MCF2L: variants seen among roughly 807,000 people sequenced by gnomAD.
MCF2L encodes the protein MCF.2 cell line derived transforming sequence like.
MCF2L carries 97 observed loss-of-function variants against 153.4 expected under a neutral mutation model. The observed-to-expected ratio is 0.63, with a 90% CI of 0.54 to 0.75. The LOEUF is 0.75. MCF2L is among the 30% of genes least tolerant of loss of function. The probability of loss-of-function intolerance (pLI) is 0.00; values close to 1 mark genes in which losing one functional copy is unlikely to be tolerated. For missense variants in MCF2L, 1,347 were observed against 1,495.2 expected, an observed-to-expected ratio of 0.90 and a Z score of 1.64; for synonymous variants, 659 against 632.2, an observed-to-expected ratio of 1.04 and a Z score of -0.64.
chr13:112,926,935 CAT>C (rs573959298), intron 2 of MCF2L, among the ~76,000 whole-genome samples: 169 of 152,332 alleles, frequency 1.1e-3, no homozygotes, highest in Middle Eastern at 0.01. Flanking sequence ...TGAGTTAAGA[CAT>C]GTGCTAATTA....
Position 113,081,253 on chromosome 13 carries a change from G to C in MCF2L, c.1849G>C (p.Val617Leu). The C allele has an allele frequency of 6.3e-7, 1 of 1,592,506 alleles. No homozygotes were observed. Among genetic ancestry groups the C allele is most frequent in the Non-Finnish European group, 8.5e-7 (1 of 1,170,646 alleles). The change falls in exon 16 of 30, where the codon GTG becomes CTG. Residue 617 changes from valine (V) to leucine (L), a missense_variant. Physicochemically the swap from Val to Leu is conservative, Grantham distance 32. Coordinates refer to ENST00000535094, the MANE Select transcript of MCF2L (RefSeq NM_001112732.3). ...GCTCCTGGACACAGAACGGGCCTAC[G>C]TGGAGGAGCTGCTGTGCGTCCTGGA... ...SELLDTERAY[V>L]EELLCVLEGY...
intron 22 of MCF2L, 93 bp downstream of exon 22, chr13:113,087,549 C>A: frequency 1.7e-6 from 2 of 1,168,916 alleles, no homozygotes; most frequent in South Asian, 1.4e-5. Context: ...ACGCTGACAC[C>A]CAGCTCTCAG....
rs1189331815 is a variant in MCF2L, at chr13:112,993,462, C to T, written c.80-21301C>T. ...AGGAAATCAGGGAGCAGGTGGCAGT[C>T]GGGAGGGACTGCATGGAAACAAGTG... On this transcript the variant is annotated intron_variant, in intron 1 of 29. Transcript: ENST00000535094. The surrounding 1 kb of genome is among the most constrained non-coding windows in gnomAD (Gnocchi z 4.6). 6.6e-6 allele frequency among the ~76,000 whole-genome samples: 1 copy of T among 152,046 alleles called. No homozygotes were observed. Among genetic ancestry groups the T allele is most frequent in the African/African-American group, 2.4e-5 (1 of 41,466 alleles).
chr13:113,060,584 C>G lies in MCF2L; in HGVS notation c.370-9C>G, dbSNP rs2031226856. On this transcript the variant is annotated splice_polypyrimidine_tract_variant and intron_variant, in intron 4 of 29. Coordinates refer to ENST00000535094, the MANE Select transcript of MCF2L (RefSeq NM_001112732.3). ...GCTGCAGGCCCTTGTCTCTCGCCCT[C>G]TCTCACAGGCATCTTTCCCGGCAAA... 6.2e-7 allele frequency: 1 copy of G among 1,612,322 alleles called. No individual in the cohort carries two copies. The highest frequency in any genetic ancestry group is 1.1e-5 in the South Asian group (1 of 91,074).
intron 2 of MCF2L, among the ~76,000 whole-genome samples, chr13:113,021,659 C>G (rs972391029): frequency 6.6e-6 from 1 of 152,228 alleles, no homozygotes; most frequent in South Asian, 2.1e-4. Context: ...GGCCCCGGGT[C>G]CTGGCACTGC....
intron 18 of MCF2L, 100 bp downstream of exon 18, chr13:113,084,167 C>G (rs916984358): frequency 1.0e-6 from 1 of 993,000 alleles, no homozygotes; most frequent in Non-Finnish European, 1.6e-6. Context: ...CAACTGAAAT[C>G]ACAAAATACG....
At position 113,096,439 on chromosome 13, in the gene MCF2L, C is replaced by A. The variant is rs371497316; in HGVS notation, c.3144C>A (p.Ser1048Arg). ...KGGPDALRVR[S>R]GDVVELVQEG... ...GCCCCGATGCGCTGCGCGTGAGGAG[C>A]GGGGACGTGGTGGAGCTGGTGCAGG... Residue 1048 changes from serine to arginine, a missense_variant, in exon 28 of 30, where the codon AGC becomes AGA. Around this residue, in one of 3 missense-constraint regions of MCF2L, gnomAD observed 383 missense variants for 335.4 expected, o/e 1.14. Transcript: ENST00000535094. The A allele has an allele frequency of 3.0e-5, 48 of 1,594,480 alleles. No homozygotes were observed. In the African/African-American group the frequency reaches 5.5e-4, roughly 18 times the overall value.
chr13:113,048,451 T>C (rs995671957), intron 4 of MCF2L, among the ~76,000 whole-genome samples: 6 of 148,154 alleles, frequency 4.0e-5, no homozygotes, highest in African/African-American at 1.5e-4. Context: ...TTTTTTTTTT[T>C]TTTTTTTGAG....
Position 112,911,257 on chromosome 13 carries a change from G to A in MCF2L, c.169+8886G>A, listed in dbSNP as rs1164645965. The stretch of plus-strand genomic sequence containing the variant: ...GGTCTGGTCAGAGGTGATGGCCAGA[G>A]GGAGCCCGTTTGCAATGTCCCACGG... On this transcript the variant is annotated intron_variant, in intron 2 of 29. Coordinates refer to the MCF2L transcript ENST00000375608. Among the ~76,000 whole-genome samples the A allele has an allele frequency of 2.6e-5, 4 of 152,340 alleles. No individual in the cohort carries two copies. In the South Asian group the frequency reaches 6.2e-4, roughly 24 times the overall value.
In MCF2L at chr13:113,074,934, G is replaced by A; in HGVS notation, c.1117-64G>A. ...TGCCCCGGGACACACATCCCGTACA[G>A]CAAGGCACTGTGTGCCTCGAACAGA... On this transcript the variant is annotated intron_variant, in intron 10 of 29. Transcript: ENST00000535094. This position sits in a 1 kb window ranked among gnomAD's most constrained non-coding sequence, Gnocchi z 4.2. 1 of 1,405,182 alleles carries A rather than the reference G, an allele frequency of 7.1e-7. No individual in the cohort carries two copies. Among genetic ancestry groups the A allele is most frequent in the Non-Finnish European group, 9.8e-7 (1 of 1,022,810 alleles). The allele number at this position is 1,405,182 out of a possible 1,614,324, so 87.0% of individuals were successfully genotyped here.
chr13:113,034,836 G>T (rs1356986669), intron 3 of MCF2L, among the ~76,000 whole-genome samples: 1 of 152,182 alleles, frequency 6.6e-6, no homozygotes. Context: ...GGAGGTTAGG[G>T]GCTGCTGTGG....
In MCF2L at chr13:113,027,024, G is replaced by A. The variant is rs1251246320; in HGVS notation, c.278+2266G>A. On this transcript the variant is annotated intron_variant, in intron 3 of 29. Transcript: ENST00000535094. The surrounding 1 kb of genome is among the most constrained non-coding windows in gnomAD (Gnocchi z 4.8). ...ACAGTGTAGTTGCTGCTTCCATTTGGGGTATAGTGAACACACACCAAGTAA... is the reference window on the plus strand; with the variant it reads ...ACAGTGTAGTTGCTGCTTCCATTTGAGGTATAGTGAACACACACCAAGTAA... 1.3e-6 allele frequency: 1 copy of A among 778,302 alleles called. No individual in the cohort carries two copies. The highest frequency in any genetic ancestry group is 1.3e-5 in the South Asian group (1 of 74,242). The allele number at this position is 778,302 out of a possible 1,614,324, so 48.2% of individuals were successfully genotyped here.
rs1361977609 is a variant in MCF2L, at chr13:113,035,075, T to C, written c.279-10196T>C. ...CGGGAGGAAGGGTTCCTGTCCACGTTCAGCACCCCCGTGCAGACCTCACCA... is the reference window on the plus strand; with the variant it reads ...CGGGAGGAAGGGTTCCTGTCCACGTCCAGCACCCCCGTGCAGACCTCACCA... On this transcript the variant is annotated intron_variant, in intron 3 of 29. Coordinates refer to ENST00000535094, the MANE Select transcript of MCF2L (RefSeq NM_001112732.3). The surrounding 1 kb of genome is among the most constrained non-coding windows in gnomAD (Gnocchi z 4.4). Among the ~76,000 whole-genome samples, 3 of 152,154 alleles carry C rather than the reference T, an allele frequency of 2.0e-5. No individual in the cohort carries two copies. The highest frequency in any genetic ancestry group is 4.4e-5 in the Non-Finnish European group (3 of 68,022).
At chr13:112,914,659 G>C (rs957070261) in intron 2 of MCF2L, among the ~76,000 whole-genome samples, 2 of 152,210 alleles carry the variant, frequency 1.3e-5, no homozygotes, top group African/African-American at 4.8e-5. Context: ...CCTGAGAATG[G>C]TGAGCTGCTC....
chr13:112,953,973 C>T (rs947847958), intron 2 of MCF2L, among the ~76,000 whole-genome samples: 1 of 152,234 alleles, frequency 6.6e-6, no homozygotes, highest in African/African-American at 2.4e-5. Context: ...GTGTGGCCAA[C>T]GGAACTGTCT....
In MCF2L at chr13:113,099,723, T is replaced by A. The variant is rs377039498; in HGVS notation, c.*2864T>A. The A allele has an allele frequency of 1.6e-4, 24 of 152,196 alleles. No individual in the cohort carries two copies. The highest frequency in any genetic ancestry group is 2.2e-4 in the Non-Finnish European group (15 of 68,004). The allele number at this position is 152,196 out of a possible 1,614,324, so 9.4% of individuals were successfully genotyped here. A position where few individuals can be genotyped will look rare whatever the true frequency, so the allele number is the denominator to read the frequency against. ...AAGAAACTCCATATCAAATAAAAAA[T>A]TTTAAATATGAGAGAACCATTATGA... is the stretch of plus-strand genomic sequence containing the variant. On this transcript the variant is annotated 3_prime_UTR_variant, in exon 30 of 30. Transcript: ENST00000535094.
chr13:112,909,216 C>A (rs2081204341), intron 2 of MCF2L: 1 of 779,700 alleles, frequency 1.3e-6, no homozygotes, highest in Non-Finnish European at 2.4e-6. Context: ...ACCAACCTCT[C>A]CCCAGATGTC....
chr13:112,960,283 G>A lies in MCF2L; in HGVS notation c.170-54480G>A, dbSNP rs1348346439. Among the ~76,000 whole-genome samples, 1 of 152,112 alleles carries A rather than the reference G, an allele frequency of 6.6e-6. No individual in the cohort carries two copies. The highest frequency in any genetic ancestry group is 2.4e-5 in the African/African-American group (1 of 41,418). ...CACCCGGTGAGAGAGCGGAGAGACC[G>A]AGAGGGGGCCAAGCGCGCTCTCACA... On this transcript the variant is annotated intron_variant, in intron 2 of 29. Transcript: ENST00000375608. This position sits in a 1 kb window ranked among gnomAD's most constrained non-coding sequence, Gnocchi z 4.2.
At position 112,989,912 on chromosome 13, in the gene MCF2L, C is replaced by A. The variant is rs2082832785; in HGVS notation, c.79+20454C>A. Among the ~76,000 whole-genome samples, 3 of 152,232 alleles carry A rather than the reference C, an allele frequency of 2.0e-5. No individual in the cohort carries two copies. In the South Asian group the frequency reaches 6.2e-4, roughly 32 times the overall value. On this transcript the variant is annotated intron_variant, in intron 1 of 29. Coordinates refer to ENST00000535094, the MANE Select transcript of MCF2L (RefSeq NM_001112732.3). ...ATGGTTTCAGGGTGAAACGGTTCAC[C>A]TCAGATCATCAGGCATTAGATTCTC... is the stretch of plus-strand genomic sequence containing the variant.
Sources: gnomAD v4.1 joint callset for allele counts (sites outside exome capture counted in the v4.1 genomes callset) on GRCh38, gnomAD v4.1.1 for gene constraint, gnomAD v4.1.1 regional missense constraint, Gnocchi (gnomAD v3.1) non-coding constraint, MANE v1.5 for transcripts, NCBI Gene and HGNC (gene_info 2026-07-23, HGNC 2026-07-21) for gene names.